Variants in MAGI2 observed in about 807,000 individuals in gnomAD.
MAGI2 encodes the protein membrane associated guanylate kinase, WW and PDZ domain containing 2.
In MAGI2, 35 loss-of-function variants were observed where a neutral mutation model predicts 133.3. The ratio of observed to expected loss-of-function variants is 0.26; its 90% CI spans 0.20 to 0.35. The LOEUF is 0.35. Ranked by LOEUF, MAGI2 falls within the 10% of genes least tolerant of loss-of-function variation. MAGI2 has a pLI of 1.00. For missense variants in MAGI2, 1,636 were observed against 1,863.4 expected (o/e 0.88, Z 2.25); for synonymous variants, 729 against 710.6 (o/e 1.03, Z -0.41).
chr7:78,668,767 T>G (rs894289935), intron 2 of MAGI2, among the ~76,000 whole-genome samples: 2 of 151,542 alleles, frequency 1.3e-5, no homozygotes, highest in African/African-American at 4.9e-5. Context: ...ATTAAGAAAC[T>G]CACTCAAAAC....
intron 1 of MAGI2, among the ~76,000 whole-genome samples, chr7:79,261,696 T>C (rs149288601): frequency 2.2e-3 from 328 of 152,308 alleles, no homozygotes; most frequent in African/African-American, 7.5e-3. Flanking sequence ...ATTGGGTCAA[T>C]GAAACAAAGA....
chr7:78,125,912 TCTC>T (rs1199501388), intron 19 of MAGI2, 75 bp from the exon 20 acceptor site: 2 of 1,374,762 alleles, frequency 1.5e-6, no homozygotes, highest in Non-Finnish European at 2.0e-6. Flanking sequence ...GTCTCTGTGT[TCTC>T]CTTCTGTCTC....
chr7:79,108,883 G>A (rs564859122), intron 1 of MAGI2, among the ~76,000 whole-genome samples: 34 of 152,194 alleles, frequency 2.2e-4, no homozygotes, highest in African/African-American at 7.9e-4. Flanking sequence ...AAAGTGTGCG[G>A]CACTTCTATG....
chr7:79,116,091 C>T (rs1002286025), intron 1 of MAGI2, among the ~76,000 whole-genome samples: 3 of 151,988 alleles, frequency 2.0e-5, no homozygotes, highest in African/African-American at 4.8e-5. Context: ...CTGCTGCAGA[C>T]AAGGTAGAGG....
chr7:78,447,378 TAAAAAA>T (rs61438029), intron 6 of MAGI2, among the ~76,000 whole-genome samples: 1 of 139,910 alleles, frequency 7.1e-6, no homozygotes, highest in Non-Finnish European at 1.6e-5. Context: ...TCCAGATGGC[TAAAAAA>T]AAAAAAAGGC....
intron 1 of MAGI2, among the ~76,000 whole-genome samples, chr7:79,215,767 C>G (rs1415064643): frequency 1.3e-5 from 2 of 151,962 alleles, no homozygotes; most frequent in Non-Finnish European, 2.9e-5. Context: ...CAAGCTGTAA[C>G]TCAACCACCT....
At chr7:79,104,302 G>A (rs1207440524) in intron 1 of MAGI2, among the ~76,000 whole-genome samples, 1 of 152,068 alleles carries the variant, frequency 6.6e-6, no homozygotes, top group East Asian at 1.9e-4. Context: ...CGGAGGGATG[G>A]GGACCATATC....
intron 1 of MAGI2, among the ~76,000 whole-genome samples, chr7:79,359,658 C>T (rs934850472): frequency 6.9e-6 from 1 of 145,554 alleles, no homozygotes; most frequent in Admixed American, 6.9e-5. Context: ...AAAGGAAATG[C>T]TCAAGTGGGA....
At chr7:78,735,221 T>C (rs1821734644) in intron 2 of MAGI2, among the ~76,000 whole-genome samples, 1 of 152,158 alleles carries the variant, frequency 6.6e-6, no homozygotes, top group Non-Finnish European at 1.5e-5. Context: ...ATAATGTATA[T>C]CAGAAGACCT....
intron 1 of MAGI2, among the ~76,000 whole-genome samples, chr7:79,370,673 G>A (rs894959271): frequency 8.6e-5 from 13 of 151,240 alleles, no homozygotes; most frequent in Admixed American, 6.6e-4. Context: ...TAATACAACC[G>A]CTTCCCTTAT....
Position 78,782,772 on chromosome 7 carries a change from A to C in MAGI2, c.419-155533T>G, listed in dbSNP as rs1826499208. ...AAAGCTGACAAACGTGGTGCCGAACAGCTTTTTTGTAAACTTTGACAGTAC... is the reference window on the plus strand; with the variant it reads ...AAAGCTGACAAACGTGGTGCCGAACCGCTTTTTTGTAAACTTTGACAGTAC... On this transcript the variant is annotated intron_variant, in intron 2 of 21. Transcript: ENST00000354212. Among the ~76,000 whole-genome samples the C allele has an allele frequency of 2.6e-5, 4 of 152,260 alleles. No homozygotes were observed. In the South Asian group the frequency reaches 8.3e-4, roughly 32 times the overall value.
intron 1 of MAGI2, among the ~76,000 whole-genome samples, chr7:79,253,831 A>G (rs1266064035): frequency 6.6e-6 from 1 of 152,216 alleles, no homozygotes; most frequent in Non-Finnish European, 1.5e-5. Flanking sequence ...TACAAATTTT[A>G]AAAGTTAAAC....
intron 3 of MAGI2, among the ~76,000 whole-genome samples, chr7:78,594,035 A>G (rs1418747986): frequency 2.0e-5 from 3 of 152,194 alleles, no homozygotes; most frequent in African/African-American, 4.8e-5. Context: ...ACATGCTCAC[A>G]GATGTTTGGT....
At chr7:78,352,679 G>A (rs1584971546) in intron 7 of MAGI2, among the ~76,000 whole-genome samples, 1 of 152,144 alleles carries the variant, frequency 6.6e-6, no homozygotes, top group Admixed American at 6.6e-5. Context: ...CAACTGAGAA[G>A]AATATCCACA....
chr7:79,255,887 G>T (rs961064275), intron 1 of MAGI2, among the ~76,000 whole-genome samples: 1 of 152,160 alleles, frequency 6.6e-6, no homozygotes, highest in Non-Finnish European at 1.5e-5. Flanking sequence ...TAAGGATTTG[G>T]ATGTTTTCCA....
intron 21 of MAGI2, among the ~76,000 whole-genome samples, chr7:78,028,664 G>C (rs1362007633): frequency 6.6e-6 from 1 of 152,082 alleles, no homozygotes; most frequent in Non-Finnish European, 1.5e-5. Context: ...AGACCAGCCT[G>C]GCCAAGATGG....
chr7:78,668,659 C>T (rs550938329), intron 2 of MAGI2, among the ~76,000 whole-genome samples: 5 of 152,110 alleles, frequency 3.3e-5, no homozygotes, highest in East Asian at 1.9e-4. Context: ...GAATCCTTTC[C>T]CCATTGCTTG....
intron 9 of MAGI2, among the ~76,000 whole-genome samples, chr7:78,286,097 T>TTG (rs140005167): frequency 6.6e-6 from 1 of 152,124 alleles, no homozygotes; most frequent in Non-Finnish European, 1.5e-5. Flanking sequence ...TTAATATCCA[T>TTG]TGTGTGTGTG....
intron 1 of MAGI2, among the ~76,000 whole-genome samples, chr7:79,077,521 G>C (rs2129541635): frequency 7.1e-6 from 1 of 141,458 alleles, no homozygotes; most frequent in South Asian, 2.3e-4. Flanking sequence ...CTTGCAGTGA[G>C]CCGAGATTGT....
Sources: allele counts gnomAD v4.1 joint callset (sites outside exome capture counted in the v4.1 genomes callset), GRCh38; gene constraint gnomAD v4.1.1; transcripts MANE v1.5; gene names NCBI Gene and HGNC (gene_info 2026-07-23, HGNC 2026-07-21).